CFAP47: variants seen among roughly 807,000 people sequenced by gnomAD.
CFAP47 encodes the protein cilia- and flagella-associated protein 47.
In CFAP47, 29 loss-of-function variants were observed where a neutral mutation model predicts 148.1. That is an observed-to-expected ratio of 0.20 (90% CI 0.15 to 0.27). CFAP47 has a LOEUF of 0.27. Ranked by LOEUF, CFAP47 falls within the 10% of genes least tolerant of loss-of-function variation. CFAP47 has a pLI of 1.00. For missense variants in CFAP47, 1,872 were observed against 1,697.5 expected (o/e 1.10, Z -1.81); for synonymous variants, 664 against 577.3 (o/e 1.15, Z -2.15).
intron 33 of CFAP47, among the ~76,000 whole-genome samples, chrX:36,137,561 G>A (rs965664985): frequency 9.0e-6 from 1 of 110,770 alleles, no homozygotes; most frequent in African/African-American, 3.3e-5. Flanking sequence ...AAAGAAACTG[G>A]CACTAGCACT....
intron 31 of CFAP47, 146 bp from the exon 32 acceptor site, chrX:36,099,605 G>T: frequency 2.9e-6 from 1 of 341,427 alleles, no homozygotes; most frequent in East Asian, 4.8e-5. Context: ...AGTTACCTGT[G>T]GTGATATCTT....
In CFAP47 at chrX:36,132,411, CTAA is replaced by C. The variant is rs767529832; in HGVS notation, c.5321-5544_5321-5542del. ...ATAATGTGAATACTTGGAGATTTTG[CTAA>C]TATGTTTTTATATTTTGCTAGGTGT... is the stretch of plus-strand genomic sequence containing the variant. On this transcript the variant is annotated intron_variant, in intron 33 of 63. Coordinates refer to ENST00000378653, the MANE Select transcript of CFAP47 (RefSeq NM_001304548.2). Among the ~76,000 whole-genome samples, 4 of 111,773 alleles carry C rather than the reference CTAA, an allele frequency of 3.6e-5. No homozygotes were observed. In the South Asian group the frequency reaches 1.5e-3, roughly 41 times the overall value.
In CFAP47 at chrX:35,991,869, A is replaced by G. The variant is rs181327159; in HGVS notation, c.2893A>G (p.Asn965Asp). The G allele has an allele frequency of 3.4e-6, 1 of 294,853 alleles. No individual in the cohort carries two copies. Among genetic ancestry groups the G allele is most frequent in the East Asian group, 4.8e-5 (1 of 20,864 alleles). 24.3% of individuals were successfully genotyped at this position (294,853 alleles called of 1,213,427 possible). A position where few individuals can be genotyped will look rare whatever the true frequency, so the allele number is the denominator to read the frequency against. ...TTTGCAGCCAAGGATACTCTTTAGTAATTGCCCTCAAGGTTTAACAACTTG... is the reference window on the plus strand; with the variant it reads ...TTTGCAGCCAAGGATACTCTTTAGTGATTGCCCTCAAGGTTTAACAACTTG... The part of the protein sequence containing the change: ...LLLQPRILFS[N>D]CPQGLTTWRK... Residue 965 changes from asparagine (N) to aspartate (D), a missense_variant, in exon 17 of 64, where the codon AAT becomes GAT. Asn to Asp is a conservative substitution (Grantham distance 23, BLOSUM62 1). Transcript: ENST00000378653.
At chrX:36,362,743 C>T (rs1346440063) in intron 61 of CFAP47, among the ~76,000 whole-genome samples, 2 of 111,378 alleles carry the variant, frequency 1.8e-5, no homozygotes, top group Admixed American at 1.9e-4. Context: ...ACCTTGTATT[C>T]GATGTAGTCA....
chrX:36,062,537 G>T (rs1251323637), intron 26 of CFAP47, among the ~76,000 whole-genome samples: 1 of 111,544 alleles, frequency 9.0e-6, no homozygotes, highest in Non-Finnish European at 1.9e-5. Context: ...TTAATGAATT[G>T]TATGTGGTCA....
At chrX:36,266,557 G>C (rs1366832296) in intron 49 of CFAP47, among the ~76,000 whole-genome samples, 1 of 110,310 alleles carries the variant, frequency 9.1e-6, no homozygotes, top group Non-Finnish European at 1.9e-5. Context: ...GGACAGTGGT[G>C]AGGTTGCAGA....
At chrX:36,257,457 A>AC (rs1940767175) in intron 49 of CFAP47, among the ~76,000 whole-genome samples, 1 of 106,191 alleles carries the variant, frequency 9.4e-6, no homozygotes, top group Non-Finnish European at 1.9e-5. Flanking sequence ...ACAGGGTCTC[A>AC]CCCTGTTGCC....
intron 49 of CFAP47, among the ~76,000 whole-genome samples, chrX:36,276,082 T>A (rs1941014068): frequency 9.1e-6 from 1 of 110,370 alleles, no homozygotes; most frequent in African/African-American, 3.3e-5. Flanking sequence ...TTAATTCATG[T>A]CACTAGTCAT....
At position 36,283,239 on chromosome X, in the gene CFAP47, G is replaced by T. The variant is rs782067724; in HGVS notation, c.7589-2390G>T. ...GTGAATGCTATTGATTTTATAATTA[G>T]AAAAATATTTTAATTTAAGGCTCAG... is the stretch of plus-strand genomic sequence containing the variant. On this transcript the variant is annotated intron_variant, in intron 50 of 63. Transcript: ENST00000378653. Among the ~76,000 whole-genome samples the T allele has an allele frequency of 3.6e-5, 4 of 111,539 alleles. No homozygotes were observed. The East Asian group carries it at 1.1e-3, about 31-fold the overall frequency.
intron 56 of CFAP47, among the ~76,000 whole-genome samples, chrX:36,311,428 T>C (rs1941393300): frequency 9.0e-6 from 1 of 110,976 alleles, no homozygotes; most frequent in African/African-American, 3.3e-5. Flanking sequence ...TTATGCCATA[T>C]TGAGGGTATA....
intron 44 of CFAP47, among the ~76,000 whole-genome samples, chrX:36,203,014 A>C (rs1326018057): frequency 2.7e-5 from 3 of 111,874 alleles, no homozygotes; most frequent in Non-Finnish European, 5.6e-5. Context: ...CATTGTAGAA[A>C]TTATTTATTT....
chrX:36,009,089 C>T (rs1422564329), intron 21 of CFAP47, among the ~76,000 whole-genome samples: 1 of 111,232 alleles, frequency 9.0e-6, no homozygotes, highest in Non-Finnish European at 1.9e-5. Flanking sequence ...AAAGATGGGT[C>T]CTATCATTAT....
At chrX:36,269,784 T>C (rs1165722815) in intron 49 of CFAP47, among the ~76,000 whole-genome samples, 1 of 112,141 alleles carries the variant, frequency 8.9e-6, no homozygotes, top group Non-Finnish European at 1.9e-5. Flanking sequence ...AGTTTTTTTG[T>C]GCCCATTTTT....
chrX:35,988,017 C>T (rs750687190), intron 15 of CFAP47, among the ~76,000 whole-genome samples: 8 of 111,652 alleles, frequency 7.2e-5, no homozygotes, highest in Non-Finnish European at 1.5e-4. Flanking sequence ...CTCCATTGAT[C>T]TCGCTGGGAG....
chrX:36,241,540 A>G (rs1314283246), intron 48 of CFAP47, among the ~76,000 whole-genome samples: 2 of 111,975 alleles, frequency 1.8e-5, no homozygotes, highest in Non-Finnish European at 3.8e-5. Flanking sequence ...CTTTGCTCCA[A>G]CTGAGTACTT....
intron 26 of CFAP47, among the ~76,000 whole-genome samples, chrX:36,061,462 A>G (rs1384829986): frequency 8.9e-6 from 1 of 112,075 alleles, no homozygotes; most frequent in East Asian, 2.8e-4. Flanking sequence ...CTCATACTCA[A>G]TGAGCTCTAT....
chrX:36,120,958 G>A (rs191807853), intron 33 of CFAP47, among the ~76,000 whole-genome samples: 190 of 111,456 alleles, frequency 1.7e-3, no homozygotes, highest in African/African-American at 6.0e-3. Flanking sequence ...TGAAAGTGGG[G>A]TGTTGAAGTC....
chrX:36,099,349 G>A (rs1938333563), intron 31 of CFAP47, among the ~76,000 whole-genome samples: 1 of 109,766 alleles, frequency 9.1e-6, no homozygotes, highest in Non-Finnish European at 1.9e-5. Flanking sequence ...TGCAGGCTTT[G>A]AGGCAACTAT....
chrX:36,154,468 T>C (rs757165303), intron 37 of CFAP47, among the ~76,000 whole-genome samples: 114 of 112,485 alleles, frequency 1.0e-3, no homozygotes, highest in Middle Eastern at 4.6e-3. Context: ...TCTACCAGTA[T>C]TCTTTTCACG....
Sources: allele counts gnomAD v4.1 joint callset (sites outside exome capture counted in the v4.1 genomes callset), GRCh38; gene constraint gnomAD v4.1.1; transcripts MANE v1.5; gene names NCBI Gene and HGNC (gene_info 2026-07-23, HGNC 2026-07-21).